Variants in PAPSS1 observed in about 807,000 individuals in gnomAD.
The protein encoded by PAPSS1 is 3'-phosphoadenosine 5'-phosphosulfate synthase 1.
Under a neutral mutation model 72.0 loss-of-function variants are expected in PAPSS1, and 50 were observed. The observed-to-expected ratio is 0.69, with a 90% CI of 0.55 to 0.88. PAPSS1 has a LOEUF of 0.88. Ranked by LOEUF, PAPSS1 falls within the 40% of genes least tolerant of loss-of-function variation. The pLI is 0.00. For missense variants in PAPSS1, 657 were observed against 782.2 expected (o/e 0.84, Z 1.91); for synonymous variants, 261 against 263.6 (o/e 0.99, Z 0.09).
chr4:107,667,799 G>C (rs1727358890), intron 5 of PAPSS1, among the ~76,000 whole-genome samples: 1 of 152,090 alleles, frequency 6.6e-6, no homozygotes, highest in South Asian at 2.1e-4. Context: ...CTCTTTCCAA[G>C]GTAAATTAGA....
intron 11 of PAPSS1, among the ~76,000 whole-genome samples, chr4:107,615,663 T>C (rs1459209216): frequency 6.6e-6 from 1 of 152,162 alleles, no homozygotes; most frequent in East Asian, 1.9e-4. Context: ...TACATAGTCA[T>C]TAAAGTACGG....
intron 3 of PAPSS1, 123 bp downstream of exon 3, chr4:107,693,648 T>G: frequency 1.5e-6 from 1 of 655,146 alleles, no homozygotes; most frequent in Non-Finnish European, 2.7e-6. Flanking sequence ...AACAAAGAGA[T>G]GGTAGCTGGG....
chr4:107,672,516 G>A (rs565000014), intron 5 of PAPSS1, among the ~76,000 whole-genome samples: 4 of 152,170 alleles, frequency 2.6e-5, no homozygotes, highest in African/African-American at 9.7e-5. Flanking sequence ...AGTGAGGCTG[G>A]GGGAGGGGTG....
intron 11 of PAPSS1, among the ~76,000 whole-genome samples, chr4:107,626,033 C>T (rs1293865906): frequency 6.6e-6 from 1 of 151,844 alleles, no homozygotes; most frequent in Non-Finnish European, 1.5e-5. Context: ...AAAAAAATAG[C>T]CGGGCGCGGT....
At chr4:107,651,095 G>A (rs1487188072) in intron 9 of PAPSS1, among the ~76,000 whole-genome samples, 2 of 152,152 alleles carry the variant, frequency 1.3e-5, no homozygotes, top group Non-Finnish European at 2.9e-5. Context: ...GCAGTACCAA[G>A]TATAGCACTC....
At chr4:107,695,624 G>C (rs893975797) in intron 2 of PAPSS1, among the ~76,000 whole-genome samples, 1 of 151,996 alleles carries the variant, frequency 6.6e-6, no homozygotes, top group Non-Finnish European at 1.5e-5. Context: ...ATTGGCTATG[G>C]GTTTGTCATG....
chr4:107,643,238 T>C (rs994874235), intron 10 of PAPSS1, among the ~76,000 whole-genome samples: 2 of 152,198 alleles, frequency 1.3e-5, no homozygotes, highest in Non-Finnish European at 2.9e-5. Flanking sequence ...GATGCAATAC[T>C]CAGGCCTCCT....
intron 10 of PAPSS1, among the ~76,000 whole-genome samples, chr4:107,639,711 A>G (rs2110308157): frequency 6.6e-6 from 1 of 152,346 alleles, no homozygotes; most frequent in Non-Finnish European, 1.5e-5. Flanking sequence ...GGCTTGTATA[A>G]TTAGACTCAG....
At position 107,720,107 on chromosome 4, in the gene PAPSS1, G is replaced by T; in HGVS notation, c.60+13C>A. On this transcript the variant is annotated intron_variant, in intron 1 of 11. Transcript: ENST00000265174. ...CTCCGCTCCTCGCCGTCTCGCCTTC[G>T]TCCCCAGCTTACCCAGTTCTGCGCG... The T allele has an allele frequency of 6.2e-7, 1 of 1,600,156 alleles. No individual in the cohort carries two copies. Among genetic ancestry groups the T allele is most frequent in the Non-Finnish European group, 8.5e-7 (1 of 1,174,050 alleles).
In PAPSS1 at chr4:107,614,042, T is replaced by G; in HGVS notation, c.*207A>C. 1 of 397,906 alleles carries G rather than the reference T, an allele frequency of 2.5e-6. No individual in the cohort carries two copies. Among genetic ancestry groups the G allele is most frequent in the Non-Finnish European group, 4.5e-6 (1 of 224,154 alleles). The allele number at this position is 397,906 out of a possible 1,614,324, so 24.6% of individuals were successfully genotyped here. On this transcript the variant is annotated 3_prime_UTR_variant, in exon 12 of 12. Transcript: ENST00000265174. ...ATTGTAGGAATATAACTATAATAAG[T>G]GGAAAAGATACATTAAAACCATCAG...
chr4:107,651,619 G>A (rs1277272780), intron 9 of PAPSS1, among the ~76,000 whole-genome samples: 1 of 152,076 alleles, frequency 6.6e-6, no homozygotes, highest in African/African-American at 2.4e-5. Flanking sequence ...CAAGCAAAAG[G>A]GGAAGCCCCT....
intron 5 of PAPSS1, among the ~76,000 whole-genome samples, chr4:107,681,037 C>T (rs182536055): frequency 8.3e-4 from 126 of 151,976 alleles, no homozygotes; most frequent in South Asian, 3.5e-3. Flanking sequence ...AACTCAAAGG[C>T]TAAACATTTA....
chr4:107,639,494 A>T (rs531529877), intron 10 of PAPSS1, among the ~76,000 whole-genome samples: 2 of 152,332 alleles, frequency 1.3e-5, no homozygotes, highest in Admixed American at 1.3e-4. Context: ...TTACTTTGCT[A>T]CAGGAATATT....
At chr4:107,687,000 A>C (rs779377192) in intron 4 of PAPSS1, 39 bp downstream of exon 4, 2 of 1,578,666 alleles carry the variant, frequency 1.3e-6, no homozygotes, top group Non-Finnish European at 1.7e-6. Flanking sequence ...AACATAAAAT[A>C]TCTAAGCAAA....
intron 3 of PAPSS1, 105 bp from the exon 4 acceptor site, chr4:107,687,282 G>C (rs900300695): frequency 7.9e-6 from 6 of 762,502 alleles, no homozygotes; most frequent in Non-Finnish European, 1.1e-5. Flanking sequence ...GTGGGAAATA[G>C]ACAAAATTTA....
chr4:107,711,490 AT>A (rs35512902), intron 1 of PAPSS1, among the ~76,000 whole-genome samples: 4,834 of 152,306 alleles, frequency 0.032, 115 homozygotes, highest in Non-Finnish European at 0.047. Context: ...TCATCATTTT[AT>A]AAAGAATTGT....
intron 5 of PAPSS1, among the ~76,000 whole-genome samples, chr4:107,671,619 A>C (rs1252692296): frequency 6.6e-6 from 1 of 152,168 alleles, no homozygotes; most frequent in Non-Finnish European, 1.5e-5. Context: ...ACAAATAATA[A>C]AACTGTACAG....
intron 8 of PAPSS1, among the ~76,000 whole-genome samples, chr4:107,654,387 C>T (rs539566325): frequency 7.4e-4 from 112 of 152,300 alleles, no homozygotes; most frequent in African/African-American, 2.6e-3. Context: ...CCTAAGCACA[C>T]GACGAGATTG....
At chr4:107,677,879 C>T (rs1191817003) in intron 5 of PAPSS1, among the ~76,000 whole-genome samples, 1 of 152,156 alleles carries the variant, frequency 6.6e-6, no homozygotes, top group Non-Finnish European at 1.5e-5. Flanking sequence ...AGTTCATGTC[C>T]TTTGTAGGGA....
Sources: gnomAD v4.1 joint callset for allele counts (sites outside exome capture counted in the v4.1 genomes callset) on GRCh38, gnomAD v4.1.1 for gene constraint, MANE v1.5 for transcripts, NCBI Gene and HGNC (gene_info 2026-07-23, HGNC 2026-07-21) for gene names.